Variants in NTRK2 observed in about 807,000 individuals in gnomAD.
NTRK2 encodes the protein neurotrophic receptor tyrosine kinase 2.
In NTRK2, 13 loss-of-function variants were observed where a neutral mutation model predicts 94.5. The observed-to-expected ratio is 0.14, with a 90% CI of 0.09 to 0.22. NTRK2 has a LOEUF of 0.22. Ranked by LOEUF, NTRK2 falls within the 10% of genes least tolerant of loss-of-function variation. The pLI, the probability that NTRK2 is intolerant of heterozygous loss-of-function variation, is 1.00. For missense variants in NTRK2, 639 were observed against 1,071.2 expected (o/e 0.60, Z 5.63); for synonymous variants, 372 against 407.4 (o/e 0.91, Z 1.05).
intron 14 of NTRK2, among the ~76,000 whole-genome samples, chr9:84,893,895 A>G (rs925427152): frequency 1.3e-5 from 2 of 152,188 alleles, no homozygotes; most frequent in Non-Finnish European, 2.9e-5. Flanking sequence ...AACAAGAAAC[A>G]GGTCACCCTA....
At chr9:84,907,688 CTTT>C (rs199660493) in intron 14 of NTRK2, among the ~76,000 whole-genome samples, 8 of 133,866 alleles carry the variant, frequency 6.0e-5, no homozygotes, top group African/African-American at 1.1e-4. Flanking sequence ...TACTCTTCTT[CTTT>C]TTTTTTTTTT....
At chr9:84,737,492 A>G (rs1318431516) in intron 9 of NTRK2, among the ~76,000 whole-genome samples, 1 of 152,214 alleles carries the variant, frequency 6.6e-6, no homozygotes, top group Non-Finnish European at 1.5e-5. Flanking sequence ...TGTTGGGGAA[A>G]GAGGAAAGTG....
At chr9:84,877,154 C>T in intron 14 of NTRK2, 1 of 1,064,882 alleles carries the variant, frequency 9.4e-7, no homozygotes, top group Non-Finnish European at 1.1e-6. Context: ...CTACATATTA[C>T]ATCCTGAGTT....
At chr9:84,672,950 C>A (rs568697028) in intron 2 of NTRK2, among the ~76,000 whole-genome samples, 1 of 152,156 alleles carries the variant, frequency 6.6e-6, no homozygotes, top group African/African-American at 2.4e-5. Flanking sequence ...TTCATTCAAT[C>A]GTGGCACTTC....
chr9:84,833,962 C>T (rs2073724759), intron 12 of NTRK2, among the ~76,000 whole-genome samples: 1 of 152,148 alleles, frequency 6.6e-6, no homozygotes. Context: ...AGGATGGGCA[C>T]AGAGGTGTCT....
chr9:84,954,966 A>G (rs908381924), intron 16 of NTRK2, among the ~76,000 whole-genome samples: 6 of 152,200 alleles, frequency 3.9e-5, no homozygotes, highest in Non-Finnish European at 7.4e-5. Context: ...GCCTGAACCC[A>G]GCACAGTGCC....
intron 14 of NTRK2, among the ~76,000 whole-genome samples, chr9:84,909,527 G>A (rs1181596647): frequency 6.6e-6 from 1 of 151,796 alleles, no homozygotes; most frequent in Non-Finnish European, 1.5e-5. Flanking sequence ...CAGAATGACT[G>A]TACCCTTTAA....
intron 12 of NTRK2, among the ~76,000 whole-genome samples, chr9:84,805,678 AC>A (rs2071026026): frequency 6.6e-6 from 1 of 152,128 alleles, no homozygotes; most frequent in Non-Finnish European, 1.5e-5. Flanking sequence ...TTGAAACTTA[AC>A]CCCCAATGTG....
intron 2 of NTRK2, among the ~76,000 whole-genome samples, chr9:84,676,545 C>T (rs1370655985): frequency 6.6e-6 from 1 of 152,178 alleles, no homozygotes; most frequent in Non-Finnish European, 1.5e-5. Flanking sequence ...TAGAAATGAT[C>T]TGCTTCAGCC....
intron 14 of NTRK2, among the ~76,000 whole-genome samples, chr9:84,916,456 A>G (rs1343555946): frequency 6.6e-6 from 1 of 152,194 alleles, no homozygotes. Context: ...ACTGTTTCCC[A>G]CTAGACCCAC....
intron 2 of NTRK2, among the ~76,000 whole-genome samples, chr9:84,683,896 A>G (rs573172772): frequency 6.6e-6 from 1 of 152,280 alleles, no homozygotes; most frequent in Non-Finnish European, 1.5e-5. Context: ...CTGGCATGAT[A>G]GTATCTCATT....
At chr9:84,812,162 G>A in intron 12 of NTRK2, 1 of 1,058,304 alleles carries the variant, frequency 9.4e-7, no homozygotes, top group Non-Finnish European at 1.1e-6. Flanking sequence ...TGAATCCTCT[G>A]TAAACCAAGG....
intron 12 of NTRK2, among the ~76,000 whole-genome samples, chr9:84,771,097 A>G (rs2066500319): frequency 1.3e-5 from 2 of 152,202 alleles, no homozygotes; most frequent in African/African-American, 2.4e-5. Flanking sequence ...TTCTAATAAG[A>G]GCTTGAGTCA....
chr9:84,721,484 A>G (rs542742080), intron 6 of NTRK2, among the ~76,000 whole-genome samples: 84 of 152,264 alleles, frequency 5.5e-4, no homozygotes, highest in African/African-American at 1.9e-3. Context: ...CCACATACTC[A>G]TAATAATCTT....
intron 12 of NTRK2, chr9:84,810,851 C>G: frequency 7.7e-7 from 1 of 1,296,476 alleles, no homozygotes; most frequent in Non-Finnish European, 9.8e-7. Context: ...TCTCTTCTTA[C>G]AGTAGTTCAA....
At chr9:84,979,701 T>C (rs1424188843) in intron 17 of NTRK2, among the ~76,000 whole-genome samples, 1 of 152,184 alleles carries the variant, frequency 6.6e-6, no homozygotes, top group Non-Finnish European at 1.5e-5. Context: ...TACAGAGAAA[T>C]CTTTTGTGAA....
At chr9:84,765,346 A>C (rs926229900) in intron 12 of NTRK2, among the ~76,000 whole-genome samples, 2 of 152,192 alleles carry the variant, frequency 1.3e-5, no homozygotes, top group Non-Finnish European at 2.9e-5. Flanking sequence ...TATGCCCACA[A>C]AAATTGAAAA....
At chr9:84,853,296 A>T (rs1260718579) in intron 12 of NTRK2, among the ~76,000 whole-genome samples, 1 of 152,186 alleles carries the variant, frequency 6.6e-6, no homozygotes, top group Non-Finnish European at 1.5e-5. Context: ...AGAGTCCATG[A>T]AGGGGGAAGT....
At chr9:84,869,797 T>G (rs542091662) in intron 14 of NTRK2, among the ~76,000 whole-genome samples, 1 of 152,272 alleles carries the variant, frequency 6.6e-6, no homozygotes, top group East Asian at 1.9e-4. Context: ...AGCAGATATG[T>G]AACAAGAAAG....
Sources: gnomAD v4.1 joint callset for allele counts (sites outside exome capture counted in the v4.1 genomes callset) on GRCh38, gnomAD v4.1.1 for gene constraint, MANE v1.5 for transcripts, NCBI Gene and HGNC (gene_info 2026-07-23, HGNC 2026-07-21) for gene names.